Variants in CCDC141 observed in about 807,000 individuals in gnomAD.
The protein encoded by CCDC141 is coiled-coil domain-containing protein 141.
A neutral mutation model predicts 181.0 loss-of-function variants in CCDC141; 168 were observed. The ratio of observed to expected loss-of-function variants is 0.93; its 90% CI spans 0.82 to 1.05. The LOEUF (loss-of-function observed/expected upper bound fraction) is 1.05. Among genes scored for constraint, CCDC141 ranks in the 50% least tolerant of loss-of-function variants. The probability of loss-of-function intolerance (pLI) is 0.00; values close to 1 mark genes in which losing one functional copy is unlikely to be tolerated. For missense variants in CCDC141, 1,902 were observed against 1,788.5 expected (o/e 1.06, Z -1.14); for synonymous variants, 666 against 642.3 (o/e 1.04, Z -0.56).
At chr2:179,032,504 C>G (rs914888355) in intron 2 of CCDC141, among the ~76,000 whole-genome samples, 1 of 152,156 alleles carries the variant, frequency 6.6e-6, no homozygotes, top group African/African-American at 2.4e-5. Flanking sequence ...TTTTCTGGAA[C>G]TTTTTCTGTC....
chr2:179,041,176 A>G (rs935069305), intron 2 of CCDC141, among the ~76,000 whole-genome samples: 16 of 151,904 alleles, frequency 1.1e-4, no homozygotes, highest in Non-Finnish European at 2.2e-4. Flanking sequence ...GGTTCACGCC[A>G]TTTTCCTGCC....
chr2:179,011,934 G>T (rs766246629), intron 2 of CCDC141, among the ~76,000 whole-genome samples: 1 of 152,084 alleles, frequency 6.6e-6, no homozygotes, highest in Non-Finnish European at 1.5e-5. Context: ...TGACAATAAT[G>T]ACACAACCTA....
At chr2:178,942,080 G>A (rs1422998751) in intron 6 of CCDC141, among the ~76,000 whole-genome samples, 1 of 150,814 alleles carries the variant, frequency 6.6e-6, no homozygotes, top group Non-Finnish European at 1.5e-5. Flanking sequence ...AAACAGTTTG[G>A]CTTGAAAACT....
chr2:178,862,585 T>C (rs1457012614), intron 17 of CCDC141, among the ~76,000 whole-genome samples: 1 of 152,204 alleles, frequency 6.6e-6, no homozygotes, highest in African/African-American at 2.4e-5. Context: ...AGAAAAAATA[T>C]GAATTATATT....
At chr2:179,020,553 T>C (rs905659517) in intron 2 of CCDC141, among the ~76,000 whole-genome samples, 6 of 152,090 alleles carry the variant, frequency 3.9e-5, no homozygotes, top group Non-Finnish European at 8.8e-5. Context: ...TCCAACATCA[T>C]GGAAAGATCA....
intron 8 of CCDC141, among the ~76,000 whole-genome samples, chr2:178,891,838 T>G (rs1425359990): frequency 2.0e-5 from 3 of 152,070 alleles, no homozygotes; most frequent in African/African-American, 7.2e-5. Context: ...CATTTTGTGG[T>G]GATTTATGCC....
intron 12 of CCDC141, chr2:178,874,360 G>T (rs935479062): frequency 6.6e-6 from 1 of 152,124 alleles, no homozygotes; most frequent in African/African-American, 2.4e-5. Context: ...CAAGATAAAA[G>T]AACACCAAAG....
chr2:179,020,931 C>T (rs2154385754), intron 2 of CCDC141, among the ~76,000 whole-genome samples: 1 of 152,204 alleles, frequency 6.6e-6, no homozygotes. Context: ...GGTATGATTT[C>T]AGGGATGTAA....
intron 2 of CCDC141, among the ~76,000 whole-genome samples, chr2:178,991,988 C>G (rs1047345118): frequency 2.6e-5 from 4 of 151,834 alleles, no homozygotes; most frequent in Admixed American, 1.3e-4. Flanking sequence ...CATCATCTGC[C>G]TCATCATCAC....
intron 2 of CCDC141, among the ~76,000 whole-genome samples, chr2:178,984,427 C>T (rs1032108760): frequency 6.6e-6 from 1 of 151,442 alleles, no homozygotes; most frequent in African/African-American, 2.4e-5. Flanking sequence ...AAATCACCAG[C>T]TAACATCATA....
intron 8 of CCDC141, among the ~76,000 whole-genome samples, chr2:178,889,658 A>G (rs980550247): frequency 6.6e-6 from 1 of 152,156 alleles, no homozygotes; most frequent in Non-Finnish European, 1.5e-5. Flanking sequence ...CCGAGAGGTA[A>G]AGTAACCTCA....
chr2:178,978,688 G>T lies in CCDC141; in HGVS notation c.226-13C>A. On this transcript the variant is annotated splice_polypyrimidine_tract_variant and intron_variant, in intron 2 of 23. Transcript: ENST00000443758. The stretch of plus-strand genomic sequence containing the variant: ...GATCTTCCAAAGCCTAAGTACAAAA[G>T]AAAAAGGCATAAGGCAGGGTGTTAA... 6.6e-7 allele frequency: 1 copy of T among 1,509,610 alleles called. No homozygotes were observed. Among genetic ancestry groups the T allele is most frequent in the Non-Finnish European group, 8.9e-7 (1 of 1,127,982 alleles). The allele number at this position is 1,509,610 out of a possible 1,614,324, so 93.5% of individuals were successfully genotyped here. A position where few individuals can be genotyped will look rare whatever the true frequency, so the allele number is the denominator to read the frequency against.
At chr2:178,817,783 C>CTTCT in the CCDC141 span, 1 of 257,974 alleles carries the variant, frequency 3.9e-6, no homozygotes. Context: ...TCCTCCCTTC[C>CTTCT]TTCCTTCCTT....
chr2:178,944,640 C>A lies in CCDC141; in HGVS notation c.792G>T (p.Trp264Cys). The A allele has an allele frequency of 4.0e-6, 6 of 1,491,608 alleles. No homozygotes were observed. The highest frequency in any genetic ancestry group is 2.2e-5 in the Admixed American group (1 of 46,262). 92.4% of individuals were successfully genotyped at this position (1,491,608 alleles called of 1,614,324 possible). A position where few individuals can be genotyped will look rare whatever the true frequency, so the allele number is the denominator to read the frequency against. Reference protein sequence around the residue: ...WDQQENQVTCWFQKTIRNLQE... With the variant: ...WDQQENQVTCCFQKTIRNLQE... ...GTAAATTTCTTATAGTTTTCTGAAA[C>A]CAACAAGTAACCTAGGTAAAAGGCA... Residue 264 changes from tryptophan to cysteine, a missense_variant, in exon 6 of 24, where the codon TGG becomes TGT. Coordinates refer to ENST00000443758, the MANE Select transcript of CCDC141 (RefSeq NM_173648.4).
intron 4 of CCDC141, among the ~76,000 whole-genome samples, chr2:178,966,329 C>T (rs923264362): frequency 2.6e-5 from 4 of 152,196 alleles, no homozygotes; most frequent in African/African-American, 9.7e-5. Flanking sequence ...CTGGGAGACA[C>T]CTCCCAGTAG....
intron 2 of CCDC141, among the ~76,000 whole-genome samples, chr2:179,026,220 C>T (rs1020266582): frequency 1.3e-5 from 2 of 152,178 alleles, no homozygotes; most frequent in African/African-American, 2.4e-5. Context: ...TCATTGCAGC[C>T]CCTTCCATCA....
intron 19 of CCDC141, among the ~76,000 whole-genome samples, chr2:178,854,010 A>C (rs922886376): frequency 6.6e-6 from 1 of 152,212 alleles, no homozygotes. Flanking sequence ...AATGGCAAGA[A>C]AAAAGCCAAA....
intron 6 of CCDC141, among the ~76,000 whole-genome samples, chr2:178,939,546 G>T (rs936089120): frequency 6.6e-6 from 1 of 152,010 alleles, no homozygotes; most frequent in Admixed American, 6.6e-5. Context: ...CAGTAAGAGA[G>T]AAAAAACAGG....
At chr2:179,002,107 T>G in intron 2 of CCDC141, 1 of 201,122 alleles carries the variant, frequency 5.0e-6, no homozygotes, top group Non-Finnish European at 1.0e-5. Flanking sequence ...CATAAGCCAC[T>G]GCTCCCGGCC....
Sources: gnomAD v4.1 joint callset for allele counts (sites outside exome capture counted in the v4.1 genomes callset) on GRCh38, gnomAD v4.1.1 for gene constraint, MANE v1.5 for transcripts, NCBI Gene and HGNC (gene_info 2026-07-23, HGNC 2026-07-21) for gene names.